ZC3H4: variants seen among roughly 807,000 people sequenced by gnomAD.
ZC3H4 encodes the protein zinc finger CCCH domain-containing protein 4.
Under a neutral mutation model 108.3 loss-of-function variants are expected in ZC3H4, and 13 were observed. The ratio of observed to expected loss-of-function variants is 0.12; its 90% CI spans 0.08 to 0.19. The LOEUF (loss-of-function observed/expected upper bound fraction) is 0.19, where lower values mean the gene tolerates loss of function less well. ZC3H4 is among the 10% of genes least tolerant of loss of function. The pLI is 1.00. For synonymous variants in ZC3H4, 917 were observed against 749.6 expected (o/e 1.22, Z -3.65); for missense variants, 1,734 against 1,838.8 (o/e 0.94, Z 1.04).
intron 11 of ZC3H4, among the ~76,000 whole-genome samples, chr19:47,073,429 G>A (rs1037599020): frequency 3.3e-5 from 5 of 151,936 alleles, no homozygotes; most frequent in East Asian, 3.9e-4. Flanking sequence ...AAAAATAGCC[G>A]GGCATGGTGG....
intron 9 of ZC3H4, 27 bp from the exon 10 acceptor site, chr19:47,082,322 GGTGGTGGC>G: frequency 1.3e-6 from 2 of 1,557,058 alleles, no homozygotes; most frequent in Non-Finnish European, 1.8e-6. Flanking sequence ...AAAAACATAA[GGTGGTGGC>G]GTGGGAAGCT....
chr19:47,082,033 G>C, intron 10 of ZC3H4, 151 bp downstream of exon 10: 1 of 688,308 alleles, frequency 1.5e-6, no homozygotes, highest in Non-Finnish European at 2.6e-6. Context: ...CTCTGAGGGC[G>C]GACGTGAGTG....
chr19:47,083,348 G>C (rs1000916912), intron 9 of ZC3H4, among the ~76,000 whole-genome samples: 1 of 150,964 alleles, frequency 6.6e-6, no homozygotes, highest in African/African-American at 2.4e-5. Context: ...GAGAGATGGG[G>C]TCTATGTTGC....
chr19:47,099,318 G>A (rs994625884), intron 2 of ZC3H4, among the ~76,000 whole-genome samples: 3 of 151,980 alleles, frequency 2.0e-5, no homozygotes, highest in African/African-American at 7.3e-5. Context: ...AATTAGTCGG[G>A]CTTGGAAGAA....
chr19:47,073,721 AC>A (rs2057369492), intron 11 of ZC3H4, among the ~76,000 whole-genome samples: 1 of 151,518 alleles, frequency 6.6e-6, no homozygotes, highest in South Asian at 2.1e-4. Flanking sequence ...CCCACCCTCT[AC>A]CCCCAGCCCC....
intron 2 of ZC3H4, among the ~76,000 whole-genome samples, chr19:47,108,133 C>G (rs1402622420): frequency 6.6e-6 from 1 of 152,158 alleles, no homozygotes; most frequent in Non-Finnish European, 1.5e-5. Context: ...TGCCAGAAAT[C>G]TCAGGAGTCA....
intron 1 of ZC3H4, among the ~76,000 whole-genome samples, chr19:47,112,823 C>A (rs2058057946): frequency 1.3e-5 from 2 of 152,016 alleles, no homozygotes; most frequent in Admixed American, 1.3e-4. Flanking sequence ...GGCGCGGGGC[C>A]CTCATAGGGG....
rs768199950 is a variant in ZC3H4 at position 47,085,142 on chromosome 19, G to A, written c.1021C>T (p.Arg341Trp). ...CGGCTGCCACCTCGGCCTCGGCCCCGACCCATTCCTTTCCCTCGACCTCGG... is the reference window on the plus strand; with the variant it reads ...CGGCTGCCACCTCGGCCTCGGCCCCAACCCATTCCTTTCCCTCGACCTCGG... ...GSRGRGKGMG[R>W]GRGRGGSRGG... Residue 341 changes from arginine (R) to tryptophan (W), a missense_variant, in exon 8 of 15, where the codon CGG becomes TGG. Arg to Trp is a moderately radical substitution (Grantham distance 101, BLOSUM62 -3). Coordinates refer to ENST00000253048, the MANE Select transcript of ZC3H4 (RefSeq NM_015168.2). 20 of 1,612,664 alleles carry A rather than the reference G, an allele frequency of 1.2e-5. No individual in the cohort carries two copies. The highest frequency in any genetic ancestry group is 4.5e-5 in the East Asian group (2 of 44,824).
chr19:47,077,314 C>A (rs1380355396), intron 11 of ZC3H4, among the ~76,000 whole-genome samples: 1 of 150,584 alleles, frequency 6.6e-6, no homozygotes, highest in African/African-American at 2.4e-5. Flanking sequence ...ACTAAAAATA[C>A]AAAAATTAGC....
intron 4 of ZC3H4, among the ~76,000 whole-genome samples, chr19:47,091,984 A>G (rs2122970292): frequency 6.6e-6 from 1 of 152,088 alleles, no homozygotes; most frequent in African/African-American, 2.4e-5. Context: ...CGAGGTGGGC[A>G]GATCATTTGA....
At position 47,067,265 on chromosome 19, in the gene ZC3H4, G is replaced by T. The variant is rs1267120706; in HGVS notation, c.3003C>A (p.Ala1001=). ...GGTCCAGGGTGGGCATGGATTGCAG[G>T]GCCGCGGGCACGGGGGGCACTGCGT... ...KQDAVPPVPA[A]LQSMPTLDPR... Residue 1001 remains alanine (A), a synonymous_variant, in exon 15 of 15, where the codon GCC becomes GCA. Coordinates refer to ENST00000253048, the MANE Select transcript of ZC3H4 (RefSeq NM_015168.2). The surrounding 1 kb of genome is among the most constrained non-coding windows in gnomAD (Gnocchi z 6.4). The T allele has an allele frequency of 6.3e-7, 1 of 1,591,616 alleles. No homozygotes were observed.
At chr19:47,095,025 T>G (rs1373659812) in intron 2 of ZC3H4, among the ~76,000 whole-genome samples, 1 of 152,220 alleles carries the variant, frequency 6.6e-6, no homozygotes, top group African/African-American at 2.4e-5. Context: ...AGCTCTGCTG[T>G]GAAGCACTTG....
intron 11 of ZC3H4, among the ~76,000 whole-genome samples, chr19:47,081,190 T>C (rs1445556634): frequency 6.6e-6 from 1 of 152,202 alleles, no homozygotes; most frequent in Non-Finnish European, 1.5e-5. Context: ...GATTCGTGTA[T>C]CTTTGTGTAT....
At chr19:47,088,706 G>A (rs2057677216) in intron 5 of ZC3H4, among the ~76,000 whole-genome samples, 1 of 151,970 alleles carries the variant, frequency 6.6e-6, no homozygotes, top group Non-Finnish European at 1.5e-5. Context: ...GCCCAGGCTG[G>A]CCTCCAACTC....
chr19:47,080,110 C>T (rs1191876393), intron 11 of ZC3H4, among the ~76,000 whole-genome samples: 4 of 152,050 alleles, frequency 2.6e-5, no homozygotes, highest in African/African-American at 9.7e-5. Flanking sequence ...TTGATCCTTT[C>T]CACTGTCAAA....
chr19:47,072,612 C>T lies in ZC3H4; in HGVS notation c.1542G>A (p.Val514=), dbSNP rs778063279. ...GCCGAGGAGGGGTGGGCAGGAGGCC[C>T]ACACCAGGGGGCGGTTTGGGCAGGG... is the stretch of plus-strand genomic sequence containing the variant. ...INPLPKPPPG[V]GLLPTPPRPP... is the part of the protein sequence containing the mutation. The change falls in exon 12 of 15, where the codon GTG becomes GTA. Residue 514 remains valine (V), a synonymous_variant. Transcript: ENST00000253048. This position sits in a 1 kb window ranked among gnomAD's most constrained non-coding sequence, Gnocchi z 5.6. The T allele has an allele frequency of 3.7e-6, 6 of 1,610,134 alleles. No homozygotes were observed. Among genetic ancestry groups the T allele is most frequent in the Non-Finnish European group, 5.1e-6 (6 of 1,179,148 alleles).
Position 47,067,950 on chromosome 19 carries a change from T to C in ZC3H4, c.2399-81A>G. ...TCTTGGATCCCACAGCAGCCCACCG[T>C]GAGCAGCTCCTTTGCTTGTGCCTCT... On this transcript the variant is annotated intron_variant, in intron 14 of 14. Coordinates refer to ENST00000253048, the MANE Select transcript of ZC3H4 (RefSeq NM_015168.2). This position sits in a 1 kb window ranked among gnomAD's most constrained non-coding sequence, Gnocchi z 6.4. 7.4e-7 allele frequency: 1 copy of C among 1,348,968 alleles called. No homozygotes were observed. Among genetic ancestry groups the C allele is most frequent in the African/African-American group, 1.4e-5 (1 of 69,248 alleles). 83.6% of individuals were successfully genotyped at this position (1,348,968 alleles called of 1,614,324 possible).
At chr19:47,088,621 G>A (rs1396441926) in intron 5 of ZC3H4, among the ~76,000 whole-genome samples, 2 of 151,906 alleles carry the variant, frequency 1.3e-5, no homozygotes, top group Non-Finnish European at 2.9e-5. Flanking sequence ...TCGTGCCACT[G>A]CACTCCAGGA....
chr19:47,092,721 A>G (rs1422978429), intron 4 of ZC3H4, among the ~76,000 whole-genome samples: 2 of 151,648 alleles, frequency 1.3e-5, no homozygotes, highest in Non-Finnish European at 2.9e-5. Flanking sequence ...GGAGGCTGAG[A>G]CAGGAGAATC....
Sources: allele counts gnomAD v4.1 joint callset (sites outside exome capture counted in the v4.1 genomes callset), GRCh38; gene constraint gnomAD v4.1.1; non-coding constraint Gnocchi (gnomAD v3.1); transcripts MANE v1.5; gene names NCBI Gene and HGNC (gene_info 2026-07-23, HGNC 2026-07-21).